RBFOX1: variants seen among roughly 807,000 people sequenced by gnomAD.
RBFOX1 encodes RNA binding fox-1 homolog 1, also known as RNA binding protein fox-1 homolog 1.
RBFOX1 carries 8 observed loss-of-function variants against 57.7 expected under a neutral mutation model. The observed-to-expected ratio is 0.14, with a 90% confidence interval of 0.08 to 0.25. The LOEUF is 0.25. RBFOX1 is among the 10% of genes least tolerant of loss of function. RBFOX1 has a pLI of 1.00. For missense variants in RBFOX1, 611 were observed against 548.5 expected (o/e 1.11, Z -1.14); for synonymous variants, 326 against 222.4 (o/e 1.47, Z -4.15).
At chr16:5,296,298 C>G (rs1024211585) in intron 1 of RBFOX1, among the ~76,000 whole-genome samples, 1 of 152,212 alleles carries the variant, frequency 6.6e-6, no homozygotes, top group African/African-American at 2.4e-5. Flanking sequence ...CCTCTCATGA[C>G]TTGGTCTCTT....
At chr16:5,377,347 C>G (rs552364139) in intron 1 of RBFOX1, among the ~76,000 whole-genome samples, 1 of 151,392 alleles carries the variant, frequency 6.6e-6, no homozygotes, top group South Asian at 2.1e-4. Flanking sequence ...AAGAAAGCCC[C>G]CTTGAGATGG....
At chr16:7,501,337 T>C (rs1278829031) in intron 4 of RBFOX1, among the ~76,000 whole-genome samples, 5 of 152,254 alleles carry the variant, frequency 3.3e-5, no homozygotes, top group Non-Finnish European at 5.9e-5. Flanking sequence ...CCTTCCTCTT[T>C]CCTTCCATTC....
At chr16:5,772,660 C>T (rs2054019537) in intron 3 of RBFOX1, among the ~76,000 whole-genome samples, 1 of 152,038 alleles carries the variant, frequency 6.6e-6, no homozygotes, top group African/African-American at 2.4e-5. Flanking sequence ...AAACAGGCAG[C>T]TAGAGGGGAG....
chr16:5,757,995 T>C (rs2053460043), intron 3 of RBFOX1, among the ~76,000 whole-genome samples: 2 of 152,210 alleles, frequency 1.3e-5, no homozygotes, highest in African/African-American at 4.8e-5. Flanking sequence ...CCTCTGCCTG[T>C]GGCACTGAGC....
At chr16:6,224,341 T>C (rs186586926) in intron 1 of RBFOX1, among the ~76,000 whole-genome samples, 1 of 152,196 alleles carries the variant, frequency 6.6e-6, no homozygotes, top group African/African-American at 2.4e-5. Flanking sequence ...ACCATGAGCA[T>C]GGAATGTTCT....
intron 3 of RBFOX1, among the ~76,000 whole-genome samples, chr16:6,951,306 C>G (rs964679585): frequency 6.6e-6 from 1 of 152,154 alleles, no homozygotes; most frequent in South Asian, 2.1e-4. Context: ...TGTCTGTAGG[C>G]TGGATACTGG....
chr16:6,957,518 G>T (rs1374285429), intron 3 of RBFOX1, among the ~76,000 whole-genome samples: 2 of 152,116 alleles, frequency 1.3e-5, no homozygotes, highest in Admixed American at 1.3e-4. Context: ...CTTTCACCGT[G>T]CTGGGGGGAG....
At chr16:5,819,662 C>T (rs1260031983) in intron 3 of RBFOX1, among the ~76,000 whole-genome samples, 1 of 152,212 alleles carries the variant, frequency 6.6e-6, no homozygotes, top group Non-Finnish European at 1.5e-5. Flanking sequence ...GTTGTGTCTC[C>T]AGGCCCTTAT....
chr16:5,448,085 T>A (rs1438928024), intron 1 of RBFOX1, among the ~76,000 whole-genome samples: 1 of 152,170 alleles, frequency 6.6e-6, no homozygotes, highest in Non-Finnish European at 1.5e-5. Context: ...TCTTAGACAA[T>A]TGGCTGGATA....
chr16:6,800,072 G>A (rs755036062), intron 3 of RBFOX1, among the ~76,000 whole-genome samples: 1 of 152,164 alleles, frequency 6.6e-6, no homozygotes, highest in Non-Finnish European at 1.5e-5. Context: ...TTGTCATGGT[G>A]TCAGTAAACT....
intron 3 of RBFOX1, among the ~76,000 whole-genome samples, chr16:5,709,835 ATATATATATTTTTTTTTTTTTTTTTTT>A (rs1421058316): frequency 1.6e-4 from 1 of 6,214 alleles, no homozygotes; most frequent in South Asian, 9.4e-3. Flanking sequence ...ATATATATAT[ATATATATATTTTTTTTTTTTTTTTTTT>A]TTTTTTTTTT....
intron 3 of RBFOX1, among the ~76,000 whole-genome samples, chr16:6,951,977 G>A (rs74250024): frequency 0.17 from 25,247 of 152,074 alleles, 2,475 homozygotes; most frequent in East Asian, 0.28. Flanking sequence ...CTCTTGATGG[G>A]GGCATGGCAA....
chr16:6,204,055 G>A (rs914108462), intron 1 of RBFOX1, among the ~76,000 whole-genome samples: 21 of 149,032 alleles, frequency 1.4e-4, no homozygotes, highest in African/African-American at 5.0e-4. Flanking sequence ...TCTTTCTACA[G>A]TTATTTCTTT....
chr16:5,838,331 T>C, intron 3 of RBFOX1: 1 of 185,020 alleles, frequency 5.4e-6, no homozygotes, highest in Non-Finnish European at 1.2e-5. Flanking sequence ...GAGTTATCCT[T>C]GAATGCAGCG....
chr16:6,970,761 A>G (rs2085356625), intron 3 of RBFOX1, among the ~76,000 whole-genome samples: 1 of 152,240 alleles, frequency 6.6e-6, no homozygotes, highest in Admixed American at 6.5e-5. Context: ...CATTCAGACC[A>G]TAGCCCCCTT....
intron 1 of RBFOX1, among the ~76,000 whole-genome samples, chr16:6,219,692 T>C (rs1208205459): frequency 6.6e-6 from 1 of 152,072 alleles, no homozygotes; most frequent in African/African-American, 2.4e-5. Flanking sequence ...CTGACCAACA[T>C]GGTGAAAACC....
chr16:7,038,637 G>C (rs181783683), intron 3 of RBFOX1, among the ~76,000 whole-genome samples: 197 of 152,230 alleles, frequency 1.3e-3, no homozygotes, highest in African/African-American at 4.6e-3. Context: ...TTCATTTCAA[G>C]ACCAGCATCA....
At chr16:6,614,594 C>G (rs763283829) in intron 2 of RBFOX1, among the ~76,000 whole-genome samples, 2 of 152,134 alleles carry the variant, frequency 1.3e-5, no homozygotes, top group African/African-American at 4.8e-5. Flanking sequence ...GGTTGCATGT[C>G]TGAAATCAAA....
At chr16:7,178,390 C>A (rs891516482) in intron 4 of RBFOX1, among the ~76,000 whole-genome samples, 2 of 152,162 alleles carry the variant, frequency 1.3e-5, no homozygotes, top group South Asian at 4.1e-4. Flanking sequence ...CTTGCAAGGA[C>A]ATGGCAAACA....
Sources: allele counts gnomAD v4.1 joint callset (sites outside exome capture counted in the v4.1 genomes callset), GRCh38; gene constraint gnomAD v4.1.1; transcripts MANE v1.5; gene names NCBI Gene and HGNC (gene_info 2026-07-23, HGNC 2026-07-21).